Variants in CSDE1 observed in about 807,000 individuals in gnomAD.
The protein encoded by CSDE1 is cold shock domain containing E1, also known as cold shock domain-containing protein E1.
A neutral mutation model predicts 89.3 loss-of-function variants in CSDE1; 17 were observed. The observed-to-expected ratio is 0.19, with a 90% CI of 0.13 to 0.29. The LOEUF is 0.29. Among genes scored for constraint, CSDE1 ranks in the 10% least tolerant of loss-of-function variants. The probability of loss-of-function intolerance (pLI) is 1.00; values close to 1 mark genes in which losing one functional copy is unlikely to be tolerated. For missense variants in CSDE1, 672 were observed against 984.2 expected (o/e 0.68, Z 4.24); for synonymous variants, 322 against 332.8 (o/e 0.97, Z 0.35).
intron 1 of CSDE1, among the ~76,000 whole-genome samples, chr1:114,757,324 G>A (rs1398902224): frequency 6.6e-6 from 1 of 152,118 alleles, no homozygotes; most frequent in African/African-American, 2.4e-5. Context: ...AGATGGAGCA[G>A]GGTCTCAGTC....
At chr1:114,754,431 T>C (rs1411823295) in intron 1 of CSDE1, among the ~76,000 whole-genome samples, 3 of 152,238 alleles carry the variant, frequency 2.0e-5, no homozygotes. Flanking sequence ...TGTATCACAC[T>C]ACCTAGTTTA....
At chr1:114,725,508 G>A (rs998958839) in intron 14 of CSDE1, among the ~76,000 whole-genome samples, 175 bp from the exon 15 acceptor site, 1 of 152,148 alleles carries the variant, frequency 6.6e-6, no homozygotes, top group African/African-American at 2.4e-5. Context: ...CCATGAAGAG[G>A]TAACATTATC....
At chr1:114,751,480 TTAA>T (rs1661305507) in intron 1 of CSDE1, among the ~76,000 whole-genome samples, 1 of 147,256 alleles carries the variant, frequency 6.8e-6, no homozygotes, top group Admixed American at 6.7e-5. Context: ...AACAAGTTAT[TTAA>T]TCTCTCTAAG....
At chr1:114,729,843 A>G (rs1350285005) in intron 12 of CSDE1, among the ~76,000 whole-genome samples, 1 of 152,206 alleles carries the variant, frequency 6.6e-6, no homozygotes. Flanking sequence ...GTGTGAACTG[A>G]GGATACACCC....
At chr1:114,748,697 A>G (rs1258838027) in intron 2 of CSDE1, among the ~76,000 whole-genome samples, 1 of 152,182 alleles carries the variant, frequency 6.6e-6, no homozygotes. Context: ...CTTCTAAATC[A>G]TCAGAACACC....
At position 114,749,860 on chromosome 1, in the gene CSDE1, T is replaced by C. The variant is rs1447844849; in HGVS notation, c.-40A>G. 1 of 152,686 alleles carries C rather than the reference T, an allele frequency of 6.5e-6. No homozygotes were observed. The highest frequency in any genetic ancestry group is 2.4e-5 in the African/African-American group (1 of 41,458). The allele number at this position is 152,686 out of a possible 1,614,324, so 9.5% of individuals were successfully genotyped here. A position where few individuals can be genotyped will look rare whatever the true frequency, so the allele number is the denominator to read the frequency against. Reference sequence around the variant, plus strand: ...CAAATATTGCACTTTCAGTAGTATTTGCTGATTCTTCTTTTTCAGCACACG... The same window carrying C: ...CAAATATTGCACTTTCAGTAGTATTCGCTGATTCTTCTTTTTCAGCACACG... On this transcript the variant is annotated 5_prime_UTR_variant, in exon 2 of 20. Coordinates refer to ENST00000358528, the MANE Select transcript of CSDE1 (RefSeq NM_001007553.3).
chr1:114,753,833 T>G (rs1422014781), intron 1 of CSDE1, among the ~76,000 whole-genome samples: 1 of 151,858 alleles, frequency 6.6e-6, no homozygotes. Context: ...GGAGGATCAC[T>G]TGAATCCAGG....
At chr1:114,743,413 G>T (rs907004202) in intron 2 of CSDE1, among the ~76,000 whole-genome samples, 9 of 152,092 alleles carry the variant, frequency 5.9e-5, no homozygotes, top group African/African-American at 2.2e-4. Context: ...GCTGTTCTCG[G>T]AACTCCTGAC....
chr1:114,738,196 T>G, intron 3 of CSDE1, 124 bp from the exon 4 acceptor site: 1 of 717,532 alleles, frequency 1.4e-6, no homozygotes, highest in Non-Finnish European at 2.5e-6. Flanking sequence ...GTGTGGTCCC[T>G]GGACCAGCAG....
chr1:114,725,671 T>G (rs1309016371), intron 14 of CSDE1, among the ~76,000 whole-genome samples: 1 of 152,078 alleles, frequency 6.6e-6, no homozygotes, highest in Non-Finnish European at 1.5e-5. Flanking sequence ...AGTCTCACTC[T>G]GTTGGCTAGG....
intron 6 of CSDE1, among the ~76,000 whole-genome samples, chr1:114,736,404 T>C (rs1324517858): frequency 6.6e-6 from 1 of 152,086 alleles, no homozygotes; most frequent in Non-Finnish European, 1.5e-5. Flanking sequence ...TTGGCCATTT[T>C]CCCCCAACAT....
intron 1 of CSDE1, among the ~76,000 whole-genome samples, chr1:114,753,313 C>T (rs76909622): frequency 0.019 from 2,927 of 152,214 alleles, 100 homozygotes; most frequent in African/African-American, 0.067. Flanking sequence ...TACTGCAGGG[C>T]CATTCTTAGG....
At chr1:114,734,614 C>T in intron 6 of CSDE1, 91 bp from the exon 7 acceptor site, 1 of 920,810 alleles carries the variant, frequency 1.1e-6, no homozygotes, top group Non-Finnish European at 1.7e-6. Flanking sequence ...AAACTAGTTT[C>T]CTGGGGCTTT....
chr1:114,720,305 C>A, intron 17 of CSDE1: 1 of 415,018 alleles, frequency 2.4e-6, no homozygotes, highest in Non-Finnish European at 4.3e-6. Context: ...ACTTATTTTC[C>A]CCATTGCATA....
Position 114,720,511 on chromosome 1 carries a change from ATTCAGATAC to A in CSDE1, c.2052+19_2052+27del. 6.3e-7 allele frequency: 1 copy of A among 1,576,666 alleles called. No individual in the cohort carries two copies. The highest frequency in any genetic ancestry group is 1.8e-5 in the Admixed American group (1 of 56,890). On this transcript the variant is annotated intron_variant, in intron 17 of 19. Transcript: ENST00000358528. Reference sequence around the variant, plus strand: ...GGTTACCAACTCATAGAAGGATCAAATTCAGATACAGAGATGCTGGCACTTACCTGATCT... The same window carrying A: ...GGTTACCAACTCATAGAAGGATCAAAAGAGATGCTGGCACTTACCTGATCT...
Position 114,723,871 on chromosome 1 carries a change from G to A in CSDE1, c.1873+12C>T, listed in dbSNP as rs1205724742. On this transcript the variant is annotated intron_variant, in intron 16 of 19. Transcript: ENST00000358528. The stretch of plus-strand genomic sequence containing the variant: ...GGCAAATTTCAAACAGCCTGATAGT[G>A]ATGATCCTTACCCTCCTCCACAATC... The A allele has an allele frequency of 6.2e-7, 1 of 1,613,734 alleles. No individual in the cohort carries two copies. Among genetic ancestry groups the A allele is most frequent in the East Asian group, 2.2e-5 (1 of 44,844 alleles).
intron 6 of CSDE1, 115 bp from the exon 7 acceptor site, chr1:114,734,638 T>A: frequency 4.2e-6 from 3 of 710,450 alleles, no homozygotes; most frequent in Non-Finnish European, 4.8e-6. Context: ...AATTCTATCA[T>A]CACTAAGAAT....
intron 2 of CSDE1, among the ~76,000 whole-genome samples, chr1:114,742,627 G>A (rs1024227501): frequency 2.0e-5 from 3 of 152,096 alleles, no homozygotes; most frequent in African/African-American, 7.2e-5. Context: ...AAAGATTCCC[G>A]CAGAAGAACC....
At position 114,719,705 on chromosome 1, in the gene CSDE1, T is replaced by C; in HGVS notation, c.2090A>G (p.Lys697Arg). The change falls in exon 18 of 20, where the codon AAG (lysine) becomes AGG (arginine). Residue 697 changes from lysine (K) to arginine (R), a missense_variant. Physicochemically the swap from Lys to Arg is conservative, Grantham distance 26. Transcript: ENST00000358528. Reference protein sequence around the residue: ...FINYEVGDSKKLFFHVKEVQD... With the variant: ...FINYEVGDSKRLFFHVKEVQD... ...AACTTCTTTCACATGGAAAAAGAGC[T>C]TCTTGCTATCTCCTACTTCATAGTT... 6.2e-7 allele frequency: 1 copy of C among 1,614,042 alleles called. No individual in the cohort carries two copies. The highest frequency in any genetic ancestry group is 8.5e-7 in the Non-Finnish European group (1 of 1,179,990).
Sources: gnomAD v4.1 joint callset for allele counts (sites outside exome capture counted in the v4.1 genomes callset) on GRCh38, gnomAD v4.1.1 for gene constraint, MANE v1.5 for transcripts, NCBI Gene and HGNC (gene_info 2026-07-23, HGNC 2026-07-21) for gene names.